Variants in SDR16C5 observed in about 807,000 individuals in gnomAD.
SDR16C5 encodes the protein epidermal retinol dehydrogenase 2.
SDR16C5 carries 20 observed loss-of-function variants against 27.7 expected under a neutral mutation model. That is an observed-to-expected ratio of 0.72 (90% CI 0.51 to 1.05). The LOEUF (loss-of-function observed/expected upper bound fraction) is 1.05, where lower values mean the gene tolerates loss of function less well. Among genes scored for constraint, SDR16C5 ranks in the 50% least tolerant of loss-of-function variants. SDR16C5 has a pLI of 0.00. For missense variants in SDR16C5, 374 were observed against 366.3 expected (o/e 1.02, Z -0.17); for synonymous variants, 139 against 132.3 (o/e 1.05, Z -0.35).
In SDR16C5 at chr8:56,316,104, T is replaced by C; in HGVS notation, c.244A>G (p.Lys82Glu). 6.2e-7 allele frequency: 1 copy of C among 1,614,190 alleles called. No homozygotes were observed. The highest frequency in any genetic ancestry group is 8.5e-7 in the Non-Finnish European group (1 of 1,180,028). ...GTGGCTCCAGCTTCCCGAGCCATCT[T>C]ACATGTTTCCTCATTCCCCTCCTTA... ...INKEGNEETCKMAREAGATRV... is the reference protein window; with the variant it reads ...INKEGNEETCEMAREAGATRV... Residue 82 changes from lysine (K) to glutamate (E), a missense_variant, in exon 2 of 7, where the codon AAG becomes GAG. Lys to Glu is a moderately conservative substitution (Grantham distance 56, BLOSUM62 1). Coordinates refer to ENST00000303749, the MANE Select transcript of SDR16C5 (RefSeq NM_138969.4).
At chr8:56,306,931 T>C (rs1404964516) in intron 4 of SDR16C5, 111 bp from the exon 5 acceptor site, 6 of 943,518 alleles carry the variant, frequency 6.4e-6, no homozygotes, top group Non-Finnish European at 7.7e-6. Context: ...TTCAGAGTTC[T>C]CCTTTTGTGT....
chr8:56,304,000 A>T, intron 6 of SDR16C5: 1 of 702,986 alleles, frequency 1.4e-6, no homozygotes, highest in South Asian at 1.5e-5. Flanking sequence ...GTAAGCCTGA[A>T]TTTCGAATTG....
At chr8:56,316,822 C>T (rs1383948099) in intron 1 of SDR16C5, among the ~76,000 whole-genome samples, 1 of 152,192 alleles carries the variant, frequency 6.6e-6, no homozygotes, top group Non-Finnish European at 1.5e-5. Context: ...TTTGTGCTTT[C>T]TCATTTGCAT....
rs1336593679 is a variant in SDR16C5 at position 56,300,367 on chromosome 8, G to A, written c.*1113C>T. Reference sequence around the variant, plus strand: ...TTTAGACTTTTACCGGGTCTCCCAAGGTACCGCTCATCCCCTCCTTGCTCC... The same window carrying A: ...TTTAGACTTTTACCGGGTCTCCCAAAGTACCGCTCATCCCCTCCTTGCTCC... On this transcript the variant is annotated 3_prime_UTR_variant, in exon 7 of 7. Coordinates refer to ENST00000303749, the MANE Select transcript of SDR16C5 (RefSeq NM_138969.4). The A allele has an allele frequency of 1.3e-5, 2 of 152,030 alleles. No individual in the cohort carries two copies. Among genetic ancestry groups the A allele is most frequent in the Admixed American group, 1.3e-4 (2 of 15,252 alleles). 9.4% of individuals were successfully genotyped at this position (152,030 alleles called of 1,614,324 possible). A position where few individuals can be genotyped will look rare whatever the true frequency, so the allele number is the denominator to read the frequency against.
Position 56,300,458 on chromosome 8 carries a change from G to A in SDR16C5, c.*1022C>T, listed in dbSNP as rs1477367283. On this transcript the variant is annotated 3_prime_UTR_variant, in exon 7 of 7. Coordinates refer to ENST00000303749, the MANE Select transcript of SDR16C5 (RefSeq NM_138969.4). ...AGGCTGCCCCCACCAGCCTGAGAAG[G>A]AGTTCCAGGGATATGGTAATTAACA... is the stretch of plus-strand genomic sequence containing the variant. 1 of 152,180 alleles carries A rather than the reference G, an allele frequency of 6.6e-6. No homozygotes were observed. Among genetic ancestry groups the A allele is most frequent in the East Asian group, 1.9e-4 (1 of 5,200 alleles). The allele number at this position is 152,180 out of a possible 1,614,324, so 9.4% of individuals were successfully genotyped here. A position where few individuals can be genotyped will look rare whatever the true frequency, so the allele number is the denominator to read the frequency against.
chr8:56,313,029 G>C (rs1181704103), intron 2 of SDR16C5, among the ~76,000 whole-genome samples: 1 of 152,060 alleles, frequency 6.6e-6, no homozygotes, highest in African/African-American at 2.4e-5. Context: ...ACCCGTCTTG[G>C]CCTCCCAAAG....
At chr8:56,310,784 T>C (rs1269499400) in intron 3 of SDR16C5, among the ~76,000 whole-genome samples, 3 of 151,690 alleles carry the variant, frequency 2.0e-5, no homozygotes, top group Non-Finnish European at 4.4e-5. Context: ...ATGGTCTTTA[T>C]CTTCATTCTG....
intron 6 of SDR16C5, chr8:56,304,084 C>A (rs1309442805): frequency 1.4e-6 from 1 of 702,368 alleles, no homozygotes; most frequent in South Asian, 1.5e-5. Flanking sequence ...CCAGATGAAG[C>A]CTGGAAAAAT....
At chr8:56,309,703 C>A in intron 3 of SDR16C5, 1 of 413,158 alleles carries the variant, frequency 2.4e-6, no homozygotes, top group Non-Finnish European at 3.3e-6. Flanking sequence ...CTTACAAAGG[C>A]CAAACCTCAC....
Position 56,301,221 on chromosome 8 carries a change from T to C in SDR16C5, c.*259A>G, listed in dbSNP as rs946884370. 2 of 367,614 alleles carry C rather than the reference T, an allele frequency of 5.4e-6. No homozygotes were observed. The highest frequency in any genetic ancestry group is 1.0e-5 in the Non-Finnish European group (2 of 197,686). 22.8% of individuals were successfully genotyped at this position (367,614 alleles called of 1,614,324 possible). ...ATGGCTTATCACTTTCTTACATCTG[T>C]GGTAATGGAAATGACAAAAATGGGC... is the stretch of plus-strand genomic sequence containing the variant. On this transcript the variant is annotated 3_prime_UTR_variant, in exon 7 of 7. Transcript: ENST00000303749.
At chr8:56,303,808 T>A (rs1477046951) in intron 6 of SDR16C5, 4 of 598,146 alleles carry the variant, frequency 6.7e-6, no homozygotes, top group Non-Finnish European at 1.2e-5. Flanking sequence ...TATACTATAA[T>A]CTGCCATCTA....
rs1319867979 is a variant in SDR16C5 at position 56,301,431 on chromosome 8, G to C, written c.*49C>G. On this transcript the variant is annotated 3_prime_UTR_variant, in exon 7 of 7. Transcript: ENST00000303749. ...AAAATACTTTTCTTCATTGAAGTAC[G>C]CATTATGTAACACTGTGTATCAGAT... is the stretch of plus-strand genomic sequence containing the variant. 5.6e-6 allele frequency: 7 copies of C among 1,248,830 alleles called. No individual in the cohort carries two copies. The highest frequency in any genetic ancestry group is 1.9e-4 in the Middle Eastern group (1 of 5,364). 77.4% of individuals were successfully genotyped at this position (1,248,830 alleles called of 1,614,324 possible).
At chr8:56,306,874 C>T (rs564223460) in intron 4 of SDR16C5, 54 bp from the exon 5 acceptor site, 2 of 1,508,700 alleles carry the variant, frequency 1.3e-6, no homozygotes, top group South Asian at 1.2e-5. Flanking sequence ...AATGGCATTA[C>T]ATTAAGGTTT....
intron 2 of SDR16C5, among the ~76,000 whole-genome samples, chr8:56,312,621 C>T (rs1815076096): frequency 6.6e-6 from 1 of 151,970 alleles, no homozygotes; most frequent in African/African-American, 2.4e-5. Flanking sequence ...AGGAGAATTG[C>T]TTAAACCAGG....
At chr8:56,305,225 G>C (rs73679813) in intron 6 of SDR16C5, among the ~76,000 whole-genome samples, 1 of 152,164 alleles carries the variant, frequency 6.6e-6, no homozygotes, top group Non-Finnish European at 1.5e-5. Context: ...TTGGGACCCT[G>C]TACTTGAGGA....
intron 3 of SDR16C5, among the ~76,000 whole-genome samples, chr8:56,310,134 GGGAGGA>G (rs1201844207): frequency 3.7e-4 from 17 of 45,762 alleles, no homozygotes; most frequent in African/African-American, 2.0e-3. Context: ...AGGAGGAGGA[GGGAGGA>G]GGAGGAGGAG....
chr8:56,303,933 A>G (rs1814820759), intron 6 of SDR16C5: 2 of 702,272 alleles, frequency 2.8e-6, no homozygotes, highest in Non-Finnish European at 5.2e-6. Context: ...TGAAGAAGCC[A>G]AGACCTGGAG....
Position 56,301,402 on chromosome 8 carries a change from G to T in SDR16C5, c.*78C>A. 1 of 999,580 alleles carries T rather than the reference G, an allele frequency of 1.0e-6. No individual in the cohort carries two copies. Among genetic ancestry groups the T allele is most frequent in the Non-Finnish European group, 1.6e-6 (1 of 625,722 alleles). 61.9% of individuals were successfully genotyped at this position (999,580 alleles called of 1,614,324 possible). A position where few individuals can be genotyped will look rare whatever the true frequency, so the allele number is the denominator to read the frequency against. On this transcript the variant is annotated 3_prime_UTR_variant, in exon 7 of 7. Coordinates refer to ENST00000303749, the MANE Select transcript of SDR16C5 (RefSeq NM_138969.4). ...GGTCTCCAGATATATTCCACTGTCA[G>T]ACAAAAATACTTTTCTTCATTGAAG...
intron 6 of SDR16C5, chr8:56,303,882 G>T: frequency 1.5e-6 from 1 of 689,640 alleles, no homozygotes; most frequent in Non-Finnish European, 2.6e-6. Context: ...TGCATTACAC[G>T]AATCTACAAG....
Sources: allele counts gnomAD v4.1 joint callset (sites outside exome capture counted in the v4.1 genomes callset), GRCh38; gene constraint gnomAD v4.1.1; transcripts MANE v1.5; gene names NCBI Gene and HGNC (gene_info 2026-07-23, HGNC 2026-07-21).